The following LOXL1 variants were observed in gnomAD, a reference collection of about 807,000 sequenced individuals.
LOXL1 encodes the protein lysyl oxidase like 1, also known as lysyl oxidase homolog 1.
LOXL1 carries 31 observed loss-of-function variants against 62.2 expected under a neutral mutation model. The ratio of observed to expected loss-of-function variants is 0.50; its 90% confidence interval spans 0.37 to 0.67. The LOEUF is 0.67. LOXL1 is among the 30% of genes least tolerant of loss of function. The pLI, the probability that LOXL1 is intolerant of heterozygous loss-of-function variation, is 0.00. For synonymous variants in LOXL1, 403 were observed against 384.4 expected, an observed-to-expected ratio of 1.05 and a Z score of -0.56; for missense variants, 775 against 843.4, an observed-to-expected ratio of 0.92 and a Z score of 1.00.
rs1190601735 is a variant in LOXL1, at chr15:73,946,562, G to A, written c.1349+8G>A. 1 of 1,596,896 alleles carries A rather than the reference G, an allele frequency of 6.3e-7. No individual in the cohort carries two copies. Among genetic ancestry groups the A allele is most frequent in the Non-Finnish European group, 8.5e-7 (1 of 1,171,646 alleles). On this transcript the variant is annotated splice_region_variant and intron_variant, in intron 3 of 6. Coordinates refer to ENST00000261921, the MANE Select transcript of LOXL1 (RefSeq NM_005576.4). ...GTGGCACAGCTGCCACCAGTGAGTG[G>A]GGAGGGGCTGGGCCCGTCCTCTTCC... is the stretch of plus-strand genomic sequence containing the variant.
At chr15:73,936,229 A>C (rs2141626755) in intron 1 of LOXL1, among the ~76,000 whole-genome samples, 1 of 152,076 alleles carries the variant, frequency 6.6e-6, no homozygotes, top group East Asian at 1.9e-4. Context: ...CTCAGGCTTG[A>C]GCTGGGTTAC....
chr15:73,927,753 C>T lies in LOXL1; in HGVS notation c.970C>T (p.Pro324Ser), dbSNP rs1044481786. 1.6e-5 allele frequency: 23 copies of T among 1,451,362 alleles called. No individual in the cohort carries two copies. The Admixed American group carries it at 6.0e-4, about 38-fold the overall frequency. The allele number at this position is 1,451,362 out of a possible 1,614,324, so 89.9% of individuals were successfully genotyped here. A position where few individuals can be genotyped will look rare whatever the true frequency, so the allele number is the denominator to read the frequency against. ...ANPPPEAYGP[P>S]RALEPPYLPV... ...CCCGCCGCCCGAGGCGTACGGGCCG[C>T]CGCGCGCGCTGGAGCCGCCCTACCT... The change falls in exon 1 of 7, where the codon CCG (proline) becomes TCG (serine). Residue 324 changes from proline (P) to serine (S), a missense_variant. Transcript: ENST00000261921.
chr15:73,948,502 C>T (rs1450891551), intron 5 of LOXL1, among the ~76,000 whole-genome samples: 1 of 152,170 alleles, frequency 6.6e-6, no homozygotes, highest in Non-Finnish European at 1.5e-5. Context: ...GCCTCCTCCA[C>T]ACAGGTATAA....
Position 73,942,884 on chromosome 15 carries a change from A to G in LOXL1, c.1133A>G (p.Tyr378Cys). The G allele has an allele frequency of 6.2e-7, 1 of 1,613,792 alleles. No individual in the cohort carries two copies. The highest frequency in any genetic ancestry group is 8.5e-7 in the Non-Finnish European group (1 of 1,179,816). ...GLPDLVPDPNYVQASTYVQRA... is the reference protein window; with the variant it reads ...GLPDLVPDPNCVQASTYVQRA... The stretch of plus-strand genomic sequence containing the variant: ...CCTGACTTGGTCCCAGACCCCAACT[A>G]TGTGCAAGCATCCACTTATGTGCAG... The change falls in exon 2 of 7, where the codon TAT becomes TGT. Residue 378 changes from tyrosine to cysteine, a missense_variant. Coordinates refer to ENST00000261921, the MANE Select transcript of LOXL1 (RefSeq NM_005576.4).
intron 1 of LOXL1, among the ~76,000 whole-genome samples, chr15:73,934,545 G>A (rs1466596412): frequency 6.6e-6 from 1 of 152,200 alleles, no homozygotes; most frequent in Non-Finnish European, 1.5e-5. Flanking sequence ...GCCCTCATGG[G>A]CTCTTGCCTG....
Position 73,947,817 on chromosome 15 carries a change from C to T in LOXL1, c.1517C>T (p.Pro506Leu), listed in dbSNP as rs757253211. ...ACTSHTQGLS[P>L]GCYDTYNADI... is the part of the protein sequence containing the mutation. ...TTGTCCCTTTCCCAGGGCCTGAGCCCAGGCTGCTATGACACCTACAATGCG... is the reference window on the plus strand; with the variant it reads ...TTGTCCCTTTCCCAGGGCCTGAGCCTAGGCTGCTATGACACCTACAATGCG... The change falls in exon 5 of 7, where the codon CCA (proline) becomes CTA (leucine). Residue 506 changes from proline (P) to leucine (L), a missense_variant. Pro to Leu is a moderately conservative substitution (Grantham distance 98). Transcript: ENST00000261921. The T allele has an allele frequency of 6.2e-7, 1 of 1,611,986 alleles. No individual in the cohort carries two copies. The highest frequency in any genetic ancestry group is 8.5e-7 in the Non-Finnish European group (1 of 1,178,484).
chr15:73,942,261 T>C lies in LOXL1; in HGVS notation c.1103-593T>C, dbSNP rs573866400. Among the ~76,000 whole-genome samples the C allele has an allele frequency of 2.6e-5, 4 of 152,124 alleles. No homozygotes were observed. The South Asian group carries it at 8.3e-4, about 32-fold the overall frequency. ...AGCCTGCTCTGGGGAAGTGTTTTCC[T>C]TCTAGCCCATCCCTTCCTGCCCACC... On this transcript the variant is annotated intron_variant, in intron 1 of 6. Transcript: ENST00000261921.
intron 4 of LOXL1, chr15:73,947,441 C>G: frequency 1.9e-6 from 1 of 534,382 alleles, no homozygotes; most frequent in Non-Finnish European, 3.3e-6. Flanking sequence ...AGGTGATCTG[C>G]TCGTGGAGAG....
At position 73,945,534 on chromosome 15, in the gene LOXL1, A is replaced by G. The variant is rs933499281; in HGVS notation, c.1212-883A>G. ...CTGTTTGGAAAATAGGCTTTGAAGC[A>G]GGAACCCAGGGTGTGTGGGGGAGTG... On this transcript the variant is annotated intron_variant, in intron 2 of 6. Coordinates refer to ENST00000261921, the MANE Select transcript of LOXL1 (RefSeq NM_005576.4). The surrounding 1 kb of genome is among the most constrained non-coding windows in gnomAD (Gnocchi z 4.3). Among the ~76,000 whole-genome samples, 1 of 152,190 alleles carries G rather than the reference A, an allele frequency of 6.6e-6. No homozygotes were observed. Among genetic ancestry groups the G allele is most frequent in the Non-Finnish European group, 1.5e-5 (1 of 68,024 alleles).
chr15:73,942,942 G>A lies in LOXL1; in HGVS notation c.1191G>A (p.Ala397=), dbSNP rs765344969. The A allele has an allele frequency of 2.5e-5, 40 of 1,613,644 alleles. 1 individual carries two copies. Among genetic ancestry groups the A allele is most frequent in the Non-Finnish European group, 2.6e-5 (31 of 1,179,694 alleles). ...ACCTGTACTCCCTGCGCTGTGCTGC[G>A]GAGGAGAAGTGTCTGGCCAGGTAAG... ...RAHLYSLRCA[A]EEKCLASTAY... Residue 397 remains alanine, a synonymous_variant, in exon 2 of 7, where the codon GCG becomes GCA. Transcript: ENST00000261921.
At position 73,945,857 on chromosome 15, in the gene LOXL1, CT is replaced by C. The variant is rs1362376297; in HGVS notation, c.1212-558del. Among the ~76,000 whole-genome samples, 3 of 152,080 alleles carry C rather than the reference CT, an allele frequency of 2.0e-5. No individual in the cohort carries two copies. The highest frequency in any genetic ancestry group is 4.4e-5 in the Non-Finnish European group (3 of 68,022). On this transcript the variant is annotated intron_variant, in intron 2 of 6. Coordinates refer to ENST00000261921, the MANE Select transcript of LOXL1 (RefSeq NM_005576.4). The surrounding 1 kb of genome is among the most constrained non-coding windows in gnomAD (Gnocchi z 4.3). ...AGCTGGGACTACAGGCATAAGCCAC[CT>C]TACCTGGCTAATTTTTTAATTTTTT...
intron 1 of LOXL1, 95 bp from the exon 2 acceptor site, chr15:73,942,759 G>T (rs554260648): frequency 3.1e-5 from 24 of 781,616 alleles, no homozygotes; most frequent in Non-Finnish European, 3.9e-5. Flanking sequence ...TGTTTGGGGT[G>T]TGAGGAGGTC....
At position 73,951,851 on chromosome 15, in the gene LOXL1, C is replaced by A; in HGVS notation, c.*14C>A. The A allele has an allele frequency of 6.5e-7, 1 of 1,540,744 alleles. No individual in the cohort carries two copies. Among genetic ancestry groups the A allele is most frequent in the Non-Finnish European group, 8.8e-7 (1 of 1,139,052 alleles). ...CTCAGATCCTGATCTCCGGGAGGGA[C>A]AGATGGCCAATCTCTCCCCTTCCAA... On this transcript the variant is annotated 3_prime_UTR_variant, in exon 7 of 7. Coordinates refer to ENST00000261921, the MANE Select transcript of LOXL1 (RefSeq NM_005576.4).
chr15:73,934,174 A>G (rs368623421), intron 1 of LOXL1, among the ~76,000 whole-genome samples: 2 of 152,344 alleles, frequency 1.3e-5, no homozygotes, highest in African/African-American at 4.8e-5. Context: ...TCCAAACCCA[A>G]CGCAAATCTT....
rs2068788744 is a variant in LOXL1, at chr15:73,951,752, G to A, written c.1719-79G>A. The A allele has an allele frequency of 8.2e-6, 11 of 1,345,706 alleles. No homozygotes were observed. In the East Asian group the frequency reaches 2.1e-4, roughly 26 times the overall value. The allele number at this position is 1,345,706 out of a possible 1,614,324, so 83.4% of individuals were successfully genotyped here. A position where few individuals can be genotyped will look rare whatever the true frequency, so the allele number is the denominator to read the frequency against. The stretch of plus-strand genomic sequence containing the variant: ...CCCTGCCACGAGGGATCTGGGCTGT[G>A]GGAGGGACGCCCTGGCTGAGGAGGC... On this transcript the variant is annotated intron_variant, in intron 6 of 6. Transcript: ENST00000261921.
chr15:73,932,450 C>G (rs1346867835), intron 1 of LOXL1, among the ~76,000 whole-genome samples: 4 of 152,146 alleles, frequency 2.6e-5, no homozygotes, highest in Non-Finnish European at 5.9e-5. Flanking sequence ...TTCACTCATT[C>G]ATTTGGTCAT....
intron 1 of LOXL1, among the ~76,000 whole-genome samples, chr15:73,941,447 T>A (rs1304909672): frequency 6.6e-6 from 1 of 152,138 alleles, no homozygotes; most frequent in Non-Finnish European, 1.5e-5. Context: ...AAGCCAGCCT[T>A]CCCCTCCTTG....
chr15:73,941,338 A>G (rs910879230), intron 1 of LOXL1, among the ~76,000 whole-genome samples: 2 of 152,062 alleles, frequency 1.3e-5, no homozygotes, highest in African/African-American at 2.4e-5. Flanking sequence ...AGGCTCCCCC[A>G]TGAGGCCCAG....
At position 73,927,033 on chromosome 15, in the gene LOXL1, C is replaced by T; in HGVS notation, c.250C>T (p.Gln84Ter). The T allele has an allele frequency of 7.3e-7, 1 of 1,374,192 alleles. No homozygotes were observed. The highest frequency in any genetic ancestry group is 9.5e-7 in the Non-Finnish European group (1 of 1,054,082). 85.1% of individuals were successfully genotyped at this position (1,374,192 alleles called of 1,614,324 possible). A position where few individuals can be genotyped will look rare whatever the true frequency, so the allele number is the denominator to read the frequency against. Residue 84 changes from glutamine (Q) to a stop codon, truncating the protein, a stop_gained, in exon 1 of 7, where the codon CAG becomes TAG. Transcript: ENST00000261921. LOFTEE classifies it high-confidence loss of function. ...RVLLAGAPQAQQRRSHGSPRR... is the reference protein window; with the variant it reads ...RVLLAGAPQA ...GCTGCTGGCCGGCGCGCCCCAGGCC[C>T]AGCAGCGGCGCAGCCACGGGAGCCC...
Sources: allele counts gnomAD v4.1 joint callset (sites outside exome capture counted in the v4.1 genomes callset), GRCh38; gene constraint gnomAD v4.1.1; non-coding constraint Gnocchi (gnomAD v3.1); transcripts MANE v1.5; gene names NCBI Gene and HGNC (gene_info 2026-07-23, HGNC 2026-07-21).